Variants in DNAH6 observed in about 807,000 individuals in gnomAD.
DNAH6 encodes axonemal beta dynein heavy chain 6.
In DNAH6, 340 loss-of-function variants were observed where a neutral mutation model predicts 491.4. That is an observed-to-expected ratio of 0.69 (90% CI 0.63 to 0.76). The LOEUF is 0.76. Ranked by LOEUF, DNAH6 falls within the 30% of genes least tolerant of loss-of-function variation. The pLI is 0.00. For missense variants in DNAH6, 4,443 were observed against 4,972.2 expected, an observed-to-expected ratio of 0.89 and a Z score of 3.20; for synonymous variants, 1,603 against 1,686.1, an observed-to-expected ratio of 0.95 and a Z score of 1.21.
the DNAH6 span, among the ~76,000 whole-genome samples, chr2:84,490,682 C>T: frequency 8.5e-5 from 13 of 152,170 alleles, no homozygotes; most frequent in South Asian, 8.3e-4. Flanking sequence ...CTGCCTCATC[C>T]TCCCAAGTAT....
chr2:84,705,531 T>C lies in DNAH6; in HGVS notation c.8511T>C (p.Phe2837=), dbSNP rs768955453. Residue 2837 remains phenylalanine (F), a synonymous_variant, in exon 52 of 77, where the codon TTT becomes TTC. Transcript: ENST00000389394. ...SAKQLLGDSN[F]LKRLLEYDKE... ...AGCAACTTCTTGGTGACTCTAACTT[T>C]CTAAAAAGGCTTTTAGAATATGATA... The C allele has an allele frequency of 1.6e-5, 25 of 1,551,000 alleles. No individual in the cohort carries two copies. In the South Asian group the frequency reaches 1.8e-4, roughly 11 times the overall value.
At chr2:84,501,356 G>A in the DNAH6 span, among the ~76,000 whole-genome samples, 127,416 of 151,908 alleles carry the variant, frequency 0.84, 55,181 homozygotes, top group East Asian at 0.99. Flanking sequence ...GGTCATCCGT[G>A]CATCCCAAGG....
At chr2:84,811,876 A>G (rs1435136114) in intron 72 of DNAH6, among the ~76,000 whole-genome samples, 1 of 149,802 alleles carries the variant, frequency 6.7e-6, no homozygotes, top group Admixed American at 6.6e-5. Flanking sequence ...AAAAAAAAAA[A>G]GGAATCTCCT....
At chr2:84,799,783 A>G (rs891790108) in intron 70 of DNAH6, among the ~76,000 whole-genome samples, 1 of 152,226 alleles carries the variant, frequency 6.6e-6, no homozygotes, top group African/African-American at 2.4e-5. Context: ...GATGCCAGCC[A>G]CTAAAAGAGA....
chr2:84,509,768 T>C, the DNAH6 span, among the ~76,000 whole-genome samples: 1 of 152,210 alleles, frequency 6.6e-6, no homozygotes, highest in Non-Finnish European at 1.5e-5. Context: ...AGGGCAGGCC[T>C]GGTGGTGACA....
At chr2:84,705,368 C>T in intron 51 of DNAH6, 118 bp from the exon 52 acceptor site, 1 of 1,042,640 alleles carries the variant, frequency 9.6e-7, no homozygotes, top group East Asian at 2.6e-5. Context: ...AATTATAGTA[C>T]CAAGATTAAA....
upstream of DNAH6, among the ~76,000 whole-genome samples, chr2:84,515,021 G>A (rs923809026): frequency 2.6e-5 from 4 of 152,156 alleles, no homozygotes; most frequent in Admixed American, 6.6e-5. Flanking sequence ...CATAAACTTT[G>A]AAGGGAACAG....
intron 29 of DNAH6, among the ~76,000 whole-genome samples, chr2:84,630,699 C>A (rs1024411552): frequency 1.3e-4 from 20 of 152,286 alleles, no homozygotes; most frequent in African/African-American, 4.8e-4. Flanking sequence ...AGGATAATAT[C>A]AGTACCATTG....
intron 18 of DNAH6, 66 bp downstream of exon 18, chr2:84,595,855 C>A: frequency 7.2e-7 from 1 of 1,392,610 alleles, no homozygotes; most frequent in Non-Finnish European, 9.4e-7. Flanking sequence ...GCTAATGAGA[C>A]CAAAATCAGG....
At chr2:84,710,462 T>C in intron 56 of DNAH6, 50 bp downstream of exon 56, 1 of 1,538,126 alleles carries the variant, frequency 6.5e-7, no homozygotes, top group Non-Finnish European at 8.8e-7. Flanking sequence ...TTTCAAATCA[T>C]ATCTGGAATC....
intron 74 of DNAH6, 65 bp downstream of exon 74, chr2:84,813,195 G>A (rs1449355862): frequency 8.4e-7 from 1 of 1,196,348 alleles, no homozygotes; most frequent in African/African-American, 1.5e-5. Flanking sequence ...AGGGTTTTGA[G>A]GTGCTGGGGA....
At chr2:84,494,998 A>C in the DNAH6 span, among the ~76,000 whole-genome samples, 1 of 152,182 alleles carries the variant, frequency 6.6e-6, no homozygotes, top group African/African-American at 2.4e-5. Context: ...AGAGGCTCTC[A>C]GATGTGTCTC....
intron 30 of DNAH6, among the ~76,000 whole-genome samples, chr2:84,636,711 G>A (rs1688911706): frequency 1.3e-5 from 2 of 152,096 alleles, no homozygotes; most frequent in African/African-American, 4.8e-5. Flanking sequence ...AGGTTTAATG[G>A]TCAGTAAGTT....
At chr2:84,502,491 G>A in the DNAH6 span, among the ~76,000 whole-genome samples, 1 of 152,170 alleles carries the variant, frequency 6.6e-6, no homozygotes, top group Non-Finnish European at 1.5e-5. Context: ...TGTGCATTCT[G>A]TAGCCATTGG....
At chr2:84,553,137 C>T (rs1362853231) in intron 10 of DNAH6, 103 bp downstream of exon 10, 1 of 641,982 alleles carries the variant, frequency 1.6e-6, no homozygotes, top group Non-Finnish European at 2.8e-6. Context: ...GTCACCACTC[C>T]AAGATGATCA....
At chr2:84,669,131 G>C (rs1339445452) in intron 37 of DNAH6, among the ~76,000 whole-genome samples, 158 bp from the exon 38 acceptor site, 2 of 152,134 alleles carry the variant, frequency 1.3e-5, no homozygotes, top group Non-Finnish European at 1.5e-5. Flanking sequence ...TAAATAACTA[G>C]TCTCAGATAC....
chr2:84,712,640 T>C (rs1558947005), intron 56 of DNAH6, among the ~76,000 whole-genome samples: 1 of 152,194 alleles, frequency 6.6e-6, no homozygotes, highest in African/African-American at 2.4e-5. Context: ...TTACAACCCT[T>C]AAAAAGGTAA....
intron 11 of DNAH6, 109 bp from the exon 12 acceptor site, chr2:84,573,358 A>C: frequency 1.2e-6 from 1 of 852,614 alleles, no homozygotes; most frequent in Non-Finnish European, 1.8e-6. Flanking sequence ...AAAACATACT[A>C]TTGGGCATAG....
At chr2:84,697,478 A>T in intron 46 of DNAH6, 97 bp from the exon 47 acceptor site, 1 of 1,254,522 alleles carries the variant, frequency 8.0e-7, no homozygotes. Context: ...TCTCTTAAAG[A>T]TGAAATTGAT....
Sources: gnomAD v4.1 joint callset for allele counts (sites outside exome capture counted in the v4.1 genomes callset) on GRCh38, gnomAD v4.1.1 for gene constraint, MANE v1.5 for transcripts, NCBI Gene and HGNC (gene_info 2026-07-23, HGNC 2026-07-21) for gene names.